MYO1E: variants seen among roughly 807,000 people sequenced by gnomAD.
The protein encoded by MYO1E is unconventional myosin-Ie.
Under a neutral mutation model 151.1 loss-of-function variants are expected in MYO1E, and 68 were observed. The observed-to-expected ratio is 0.45, with a 90% confidence interval of 0.37 to 0.55. The LOEUF is 0.55. MYO1E is among the 20% of genes least tolerant of loss of function. The pLI, the probability that MYO1E is intolerant of heterozygous loss-of-function variation, is 0.00. For missense variants in MYO1E, 1,363 were observed against 1,389.3 expected (o/e 0.98, Z 0.30); for synonymous variants, 601 against 501.7 (o/e 1.20, Z -2.64).
At chr15:59,357,084 T>G (rs1194978833) in intron 1 of MYO1E, among the ~76,000 whole-genome samples, 1 of 152,104 alleles carries the variant, frequency 6.6e-6, no homozygotes, top group African/African-American at 2.4e-5. Context: ...TCTTGTATTT[T>G]CAGTAGAGAT....
intron 7 of MYO1E, among the ~76,000 whole-genome samples, chr15:59,225,798 C>T (rs1395471237): frequency 6.6e-6 from 1 of 152,112 alleles, no homozygotes; most frequent in Non-Finnish European, 1.5e-5. Context: ...AGGCGCCCAC[C>T]ACCACGGCCA....
At chr15:59,241,111 T>G (rs2080096994) in intron 4 of MYO1E, among the ~76,000 whole-genome samples, 1 of 152,178 alleles carries the variant, frequency 6.6e-6, no homozygotes, top group Non-Finnish European at 1.5e-5. Flanking sequence ...CCAGGTGTGT[T>G]GCGTGTGTGT....
chr15:59,312,247 C>A (rs2080556975), intron 1 of MYO1E, among the ~76,000 whole-genome samples: 1 of 152,178 alleles, frequency 6.6e-6, no homozygotes, highest in Non-Finnish European at 1.5e-5. Flanking sequence ...ATGCATCAAT[C>A]TGAGCATACT....
At chr15:59,367,575 T>C (rs1328100009) in intron 1 of MYO1E, among the ~76,000 whole-genome samples, 5 of 152,186 alleles carry the variant, frequency 3.3e-5, no homozygotes, top group Admixed American at 1.3e-4. Flanking sequence ...GCTTAGAGAA[T>C]GCATAGGCTG....
chr15:59,261,071 G>A (rs2080221736), intron 3 of MYO1E, among the ~76,000 whole-genome samples: 1 of 151,958 alleles, frequency 6.6e-6, no homozygotes, highest in Admixed American at 6.6e-5. Flanking sequence ...AAATTAGCCA[G>A]GTGTGGTGGT....
At chr15:59,158,526 C>A in intron 24 of MYO1E, 147 bp from the exon 25 acceptor site, 1 of 693,080 alleles carries the variant, frequency 1.4e-6, no homozygotes, top group South Asian at 1.6e-5. Flanking sequence ...GGAGAAGGAG[C>A]CGTTGAGGGA....
intron 1 of MYO1E, among the ~76,000 whole-genome samples, chr15:59,352,325 T>C (rs547946366): frequency 1.3e-5 from 2 of 152,288 alleles, no homozygotes; most frequent in South Asian, 2.1e-4. Flanking sequence ...AGGGCGGCCA[T>C]CACACTTCCT....
chr15:59,372,084 G>T (rs1344720218), intron 1 of MYO1E, among the ~76,000 whole-genome samples: 1 of 149,862 alleles, frequency 6.7e-6, no homozygotes, highest in Non-Finnish European at 1.5e-5. Context: ...ACGGCCGCGG[G>T]GAGGGCAGGG....
chr15:59,288,022 G>C (rs1039511462), intron 1 of MYO1E, among the ~76,000 whole-genome samples: 4 of 152,204 alleles, frequency 2.6e-5, no homozygotes, highest in African/African-American at 9.7e-5. Context: ...TTCCTGATGG[G>C]TTTTGAACTG....
intron 1 of MYO1E, among the ~76,000 whole-genome samples, chr15:59,355,523 A>C (rs1330333127): frequency 1.3e-5 from 2 of 152,172 alleles, no homozygotes; most frequent in Non-Finnish European, 2.9e-5. Context: ...CAAATCTGCC[A>C]ATTTTTCACT....
At chr15:59,348,279 TG>T (rs2080805496) in intron 1 of MYO1E, among the ~76,000 whole-genome samples, 1 of 152,210 alleles carries the variant, frequency 6.6e-6, no homozygotes, top group Non-Finnish European at 1.5e-5. Context: ...TCAAGTCAGC[TG>T]TATTAAATAA....
chr15:59,157,017 G>C (rs2079513038), intron 25 of MYO1E, among the ~76,000 whole-genome samples: 1 of 151,820 alleles, frequency 6.6e-6, no homozygotes, highest in Admixed American at 6.6e-5. Context: ...GAACCTAGGA[G>C]TTCAAGACCA....
intron 1 of MYO1E, among the ~76,000 whole-genome samples, chr15:59,347,725 G>T (rs1245959837): frequency 6.6e-6 from 1 of 151,990 alleles, no homozygotes; most frequent in Non-Finnish European, 1.5e-5. Context: ...TTCACAACAG[G>T]AGACAAAGAA....
chr15:59,307,002 C>T (rs1055608218), intron 1 of MYO1E, among the ~76,000 whole-genome samples: 6 of 152,312 alleles, frequency 3.9e-5, no homozygotes, highest in African/African-American at 1.4e-4. Context: ...AAAGTGGAAC[C>T]GCTGGTCAGA....
intron 5 of MYO1E, among the ~76,000 whole-genome samples, chr15:59,235,155 C>T (rs1397973141): frequency 1.3e-5 from 2 of 152,172 alleles, no homozygotes; most frequent in African/African-American, 4.8e-5. Flanking sequence ...TTTAATCTCT[C>T]TTTTTTCCTT....
intron 17 of MYO1E, among the ~76,000 whole-genome samples, 162 bp downstream of exon 17, chr15:59,195,299 G>A (rs113508939): frequency 2.6e-5 from 4 of 152,282 alleles, no homozygotes; most frequent in East Asian, 1.9e-4. Flanking sequence ...TGACACGGAG[G>A]GGAAACAGTA....
intron 4 of MYO1E, among the ~76,000 whole-genome samples, chr15:59,254,510 C>T (rs1244986720): frequency 6.6e-6 from 1 of 152,076 alleles, no homozygotes; most frequent in African/African-American, 2.4e-5. Context: ...ACTGCCATGC[C>T]CTGCCAGATT....
At chr15:59,264,447 GA>G (rs2080241722) in intron 2 of MYO1E, among the ~76,000 whole-genome samples, 1 of 152,148 alleles carries the variant, frequency 6.6e-6, no homozygotes, top group African/African-American at 2.4e-5. Flanking sequence ...TAAAAACACA[GA>G]AAACTAGTTA....
At chr15:59,208,651 G>T in intron 14 of MYO1E, 30 bp downstream of exon 14, 1 of 1,613,362 alleles carries the variant, frequency 6.2e-7, no homozygotes, top group Non-Finnish European at 8.5e-7. Flanking sequence ...GCTTAAAACA[G>T]ATAGACATTA....
Sources: gnomAD v4.1 joint callset for allele counts (sites outside exome capture counted in the v4.1 genomes callset) on GRCh38, gnomAD v4.1.1 for gene constraint, MANE v1.5 for transcripts, NCBI Gene and HGNC (gene_info 2026-07-23, HGNC 2026-07-21) for gene names.